DOK6: variants seen among roughly 807,000 people sequenced by gnomAD.
DOK6 encodes downstream of tyrosine kinase 6.
Under a neutral mutation model 44.0 loss-of-function variants are expected in DOK6, and 22 were observed. That is an observed-to-expected ratio of 0.50 (90% CI 0.36 to 0.71). DOK6 has a LOEUF of 0.71. Ranked by LOEUF, DOK6 falls within the 30% of genes least tolerant of loss-of-function variation. The pLI is 0.00. For missense variants in DOK6, 340 were observed against 416.4 expected, an observed-to-expected ratio of 0.82 and a Z score of 1.60; for synonymous variants, 166 against 145.5, an observed-to-expected ratio of 1.14 and a Z score of -1.01.
chr18:69,458,118 A>G (rs541702343), intron 1 of DOK6, among the ~76,000 whole-genome samples: 2 of 152,318 alleles, frequency 1.3e-5, no homozygotes, highest in Admixed American at 1.3e-4. Context: ...AGGTCATGCC[A>G]TTGCACTCCA....
At chr18:69,690,583 A>G (rs1986242950) in intron 4 of DOK6, among the ~76,000 whole-genome samples, 1 of 152,182 alleles carries the variant, frequency 6.6e-6, no homozygotes, top group East Asian at 1.9e-4. Flanking sequence ...ATGATCTTGA[A>G]ATGTCTCATC....
intron 1 of DOK6, among the ~76,000 whole-genome samples, chr18:69,543,907 ATATAT>A (rs901725291): frequency 5.9e-5 from 9 of 151,388 alleles, no homozygotes; most frequent in African/African-American, 2.2e-4. Flanking sequence ...ATGGAAGCAA[ATATAT>A]TGAAGGGGTA....
chr18:69,715,128 T>A (rs1986854045), intron 5 of DOK6, among the ~76,000 whole-genome samples: 1 of 152,190 alleles, frequency 6.6e-6, no homozygotes, highest in Non-Finnish European at 1.5e-5. Flanking sequence ...ATATAAAATC[T>A]ACAAGACAAA....
At chr18:69,794,339 A>G (rs1394350430) in intron 7 of DOK6, among the ~76,000 whole-genome samples, 1 of 152,216 alleles carries the variant, frequency 6.6e-6, no homozygotes, top group Non-Finnish European at 1.5e-5. Context: ...GTCTGCATTG[A>G]TGTCATTAGC....
chr18:69,673,616 C>T (rs899831238), intron 3 of DOK6, among the ~76,000 whole-genome samples: 8 of 152,170 alleles, frequency 5.3e-5, no homozygotes, highest in African/African-American at 1.7e-4. Context: ...CATAATTCAC[C>T]ATTTAATTTA....
intron 5 of DOK6, among the ~76,000 whole-genome samples, chr18:69,723,341 T>A (rs1265768579): frequency 6.6e-6 from 1 of 152,218 alleles, no homozygotes; most frequent in Non-Finnish European, 1.5e-5. Context: ...CAAAGTGTTT[T>A]TTGTTCCCTT....
intron 1 of DOK6, among the ~76,000 whole-genome samples, chr18:69,514,685 T>C (rs1340322327): frequency 6.6e-6 from 1 of 151,516 alleles, no homozygotes; most frequent in Non-Finnish European, 1.5e-5. Flanking sequence ...TCCCACATCT[T>C]TCATCTAAAC....
intron 1 of DOK6, among the ~76,000 whole-genome samples, chr18:69,550,866 C>A (rs545837158): frequency 6.6e-6 from 1 of 150,666 alleles, no homozygotes; most frequent in South Asian, 2.1e-4. Context: ...TCACTGAAAC[C>A]GCTGCCTCTG....
At chr18:69,719,574 G>C (rs1986961060) in intron 5 of DOK6, among the ~76,000 whole-genome samples, 2 of 152,140 alleles carry the variant, frequency 1.3e-5, no homozygotes, top group Non-Finnish European at 2.9e-5. Context: ...CATCTTAGCA[G>C]ATTTCAGGCC....
At chr18:69,554,738 C>T (rs1353997880) in intron 1 of DOK6, among the ~76,000 whole-genome samples, 7 of 151,958 alleles carry the variant, frequency 4.6e-5, no homozygotes, top group Non-Finnish European at 7.3e-5. Flanking sequence ...CTGGTGCACA[C>T]TCTCTCCAGT....
At chr18:69,705,918 TAAAAAA>T (rs34296321) in intron 5 of DOK6, among the ~76,000 whole-genome samples, 2 of 145,838 alleles carry the variant, frequency 1.4e-5, no homozygotes. Context: ...TAAATGTGAT[TAAAAAA>T]AAAAAAAACA....
intron 5 of DOK6, among the ~76,000 whole-genome samples, chr18:69,708,528 C>G (rs1227449217): frequency 1.3e-5 from 2 of 152,002 alleles, no homozygotes; most frequent in Non-Finnish European, 2.9e-5. Flanking sequence ...GGCTCACGCC[C>G]GTAATCCCAG....
At chr18:69,669,010 T>C (rs1430324216) in intron 3 of DOK6, among the ~76,000 whole-genome samples, 3 of 152,204 alleles carry the variant, frequency 2.0e-5, no homozygotes, top group South Asian at 2.1e-4. Flanking sequence ...TCCCTGATAC[T>C]GTGGCAACAT....
At chr18:69,488,543 C>T (rs1432683325) in intron 1 of DOK6, among the ~76,000 whole-genome samples, 1 of 152,172 alleles carries the variant, frequency 6.6e-6, no homozygotes, top group Non-Finnish European at 1.5e-5. Context: ...GGCCAATGGA[C>T]TCACAGTTCC....
intron 7 of DOK6, among the ~76,000 whole-genome samples, chr18:69,799,153 T>C (rs1980831220): frequency 6.6e-6 from 1 of 152,074 alleles, no homozygotes; most frequent in East Asian, 1.9e-4. Context: ...ACTAGTATAC[T>C]GACCTATAAG....
intron 3 of DOK6, chr18:69,661,569 A>T (rs1230803170): frequency 6.6e-6 from 1 of 152,238 alleles, no homozygotes; most frequent in Non-Finnish European, 1.5e-5. Context: ...CCTTCCTATT[A>T]TACTCTGTAG....
Position 69,409,211 on chromosome 18 carries a change from C to T in DOK6, c.66+7901C>T, listed in dbSNP as rs569277424. 9.2e-5 allele frequency among the ~76,000 whole-genome samples: 14 copies of T among 152,274 alleles called. No individual in the cohort carries two copies. The South Asian group carries it at 2.1e-3, about 23-fold the overall frequency. On this transcript the variant is annotated intron_variant, in intron 1 of 7. Coordinates refer to ENST00000382713, the MANE Select transcript of DOK6 (RefSeq NM_152721.6). ...GTGCCTTCCACCATGATTGTAAGTT[C>T]CCTGAGGCCTCCCTAGCCATGCAGA...
At position 69,730,966 on chromosome 18, in the gene DOK6, A is replaced by T. The variant is rs530280874; in HGVS notation, c.600-7999A>T. ...AAATATATGAAAATAAAATGTTAAA[A>T]ATTAAAAAAAATTCAGTAGATCAAA... On this transcript the variant is annotated intron_variant, in intron 5 of 7. Transcript: ENST00000382713. Among the ~76,000 whole-genome samples, 460 of 152,208 alleles carry T rather than the reference A, an allele frequency of 3.0e-3. 3 individuals are homozygous for T. The highest frequency in any genetic ancestry group is 9.9e-3 in the African/African-American group (413 of 41,548).
At chr18:69,778,376 A>C (rs1202848530) in intron 7 of DOK6, among the ~76,000 whole-genome samples, 1 of 134,774 alleles carries the variant, frequency 7.4e-6, no homozygotes, top group Non-Finnish European at 1.6e-5. Context: ...GAAACAAAAA[A>C]CAGAGGCCAT....
Sources: allele counts gnomAD v4.1 joint callset (sites outside exome capture counted in the v4.1 genomes callset), GRCh38; gene constraint gnomAD v4.1.1; transcripts MANE v1.5; gene names NCBI Gene and HGNC (gene_info 2026-07-23, HGNC 2026-07-21).